Variants in NCOA2 observed in about 807,000 individuals in gnomAD.
NCOA2 encodes nuclear receptor coactivator 2.
In NCOA2, 21 loss-of-function variants were observed where a neutral mutation model predicts 145.1. The ratio of observed to expected loss-of-function variants is 0.14; its 90% CI spans 0.10 to 0.21. The LOEUF is 0.21. Ranked by LOEUF, NCOA2 falls within the 10% of genes least tolerant of loss-of-function variation. NCOA2 has a pLI of 1.00. For synonymous variants in NCOA2, 619 were observed against 637.5 expected (o/e 0.97, Z 0.44); for missense variants, 1,472 against 1,837.6 (o/e 0.80, Z 3.64).
the NCOA2 span, among the ~76,000 whole-genome samples, chr8:70,411,066 T>C: frequency 2.0e-4 from 31 of 152,178 alleles, no homozygotes; most frequent in African/African-American, 7.2e-4. Flanking sequence ...CTTATGCAAA[T>C]TATACCTAAA....
chr8:70,139,924 C>T (rs1810188969), intron 14 of NCOA2, among the ~76,000 whole-genome samples: 2 of 151,888 alleles, frequency 1.3e-5, no homozygotes, highest in South Asian at 4.2e-4. Flanking sequence ...CAGTGCCTGG[C>T]ATCTTTTTGT....
At chr8:70,117,286 C>G (rs1807252146) in intron 22 of NCOA2, among the ~76,000 whole-genome samples, 2 of 152,200 alleles carry the variant, frequency 1.3e-5, no homozygotes, top group Non-Finnish European at 2.9e-5. Flanking sequence ...TAGCTGGTAG[C>G]CCTGCATAAA....
At chr8:70,372,524 G>GA (rs1244468585) in intron 1 of NCOA2, among the ~76,000 whole-genome samples, 2 of 152,260 alleles carry the variant, frequency 1.3e-5, no homozygotes, top group East Asian at 1.9e-4. Flanking sequence ...ATTATTTTAT[G>GA]ATTCAGCCTA....
At chr8:70,415,821 T>C in the NCOA2 span, among the ~76,000 whole-genome samples, 1 of 152,238 alleles carries the variant, frequency 6.6e-6, no homozygotes, top group Non-Finnish European at 1.5e-5. Context: ...ACGGTAGCAT[T>C]GTAACAGAAG....
At chr8:70,395,994 G>A (rs528240401) in intron 1 of NCOA2, among the ~76,000 whole-genome samples, 2 of 152,328 alleles carry the variant, frequency 1.3e-5, no homozygotes, top group South Asian at 4.1e-4. Context: ...AGCTCTCCGC[G>A]CTCCGTGCAA....
intron 16 of NCOA2, among the ~76,000 whole-genome samples, chr8:70,131,120 C>T (rs2131568963): frequency 6.6e-6 from 1 of 152,262 alleles, no homozygotes; most frequent in East Asian, 1.9e-4. Flanking sequence ...GTGGGCTAAA[C>T]CATAAGTGAA....
At chr8:70,329,261 C>T (rs1030541893) in intron 1 of NCOA2, among the ~76,000 whole-genome samples, 4 of 151,996 alleles carry the variant, frequency 2.6e-5, no homozygotes, top group East Asian at 1.9e-4. Context: ...GGACTACAGG[C>T]GTGAGCCACC....
At position 70,113,650 on chromosome 8, in the gene NCOA2, G is replaced by GA. The variant is rs1563465539; in HGVS notation, c.4384-8dup. 1 of 1,551,476 alleles carries GA rather than the reference G, an allele frequency of 6.4e-7. No individual in the cohort carries two copies. Among genetic ancestry groups the GA allele is most frequent in the East Asian group, 2.4e-5 (1 of 40,964 alleles). ...AGCAGTGTCAGCAATATTTCTGTAG[G>GA]AAAACAGATAAAAAGTTGTGAAACA... is the stretch of plus-strand genomic sequence containing the variant. On this transcript the variant is annotated splice_polypyrimidine_tract_variant and splice_region_variant and intron_variant, in intron 22 of 22. Transcript: ENST00000452400.
intron 16 of NCOA2, 63 bp downstream of exon 16, chr8:70,131,774 A>C: frequency 2.7e-6 from 4 of 1,499,164 alleles, no homozygotes; most frequent in South Asian, 1.3e-5. Flanking sequence ...CTGTAAACAG[A>C]AAATGGACAC....
the NCOA2 span, among the ~76,000 whole-genome samples, chr8:70,410,094 T>C: frequency 6.6e-6 from 1 of 151,654 alleles, no homozygotes; most frequent in East Asian, 2.0e-4. Flanking sequence ...CCTCTAATCC[T>C]AACTACTGGG....
chr8:70,349,246 C>T (rs533651285), intron 1 of NCOA2, among the ~76,000 whole-genome samples: 103 of 151,876 alleles, frequency 6.8e-4, no homozygotes, highest in African/African-American at 2.2e-3. Context: ...TGAAAAATGA[C>T]ATCATTACAC....
the NCOA2 span, among the ~76,000 whole-genome samples, chr8:70,446,291 G>A: frequency 3.9e-5 from 6 of 152,154 alleles, no homozygotes; most frequent in Non-Finnish European, 8.8e-5. Flanking sequence ...CGGCTCCAGG[G>A]CTGGGTGCCC....
chr8:70,249,195 T>A (rs1214755189), intron 2 of NCOA2, among the ~76,000 whole-genome samples: 1 of 152,178 alleles, frequency 6.6e-6, no homozygotes, highest in Non-Finnish European at 1.5e-5. Context: ...CTCCTCAGCA[T>A]TAGAGCACTG....
chr8:70,179,453 A>AAT (rs1815232874), intron 4 of NCOA2, among the ~76,000 whole-genome samples: 1 of 152,178 alleles, frequency 6.6e-6, no homozygotes, highest in African/African-American at 2.4e-5. Context: ...GGAAAAAGAA[A>AAT]AGGACTCTTT....
In NCOA2 at chr8:70,166,553, G is replaced by C; in HGVS notation, c.730+13C>G. ...ACACAGACACACAGAACACCCTAGGGATTCTGTCCCACCTTCTCCTTCTTC... is the reference window on the plus strand; with the variant it reads ...ACACAGACACACAGAACACCCTAGGCATTCTGTCCCACCTTCTCCTTCTTC... On this transcript the variant is annotated intron_variant, in intron 7 of 22. Coordinates refer to ENST00000452400, the MANE Select transcript of NCOA2 (RefSeq NM_006540.4). 6.2e-7 allele frequency: 1 copy of C among 1,612,264 alleles called. No individual in the cohort carries two copies. Among genetic ancestry groups the C allele is most frequent in the East Asian group, 2.2e-5 (1 of 44,874 alleles).
At chr8:70,283,897 G>A (rs1371633136) in intron 2 of NCOA2, among the ~76,000 whole-genome samples, 1 of 152,086 alleles carries the variant, frequency 6.6e-6, no homozygotes, top group Admixed American at 6.5e-5. Context: ...TTTCAGATAT[G>A]GGATGCTCAA....
At chr8:70,146,871 A>C (rs957217248) in intron 12 of NCOA2, among the ~76,000 whole-genome samples, 1 of 150,156 alleles carries the variant, frequency 6.7e-6, no homozygotes, top group African/African-American at 2.5e-5. Flanking sequence ...AATTTTTTGT[A>C]GTAGAGATGG....
rs1434124016 is a variant in NCOA2, at chr8:70,156,770, C to G, written c.1595G>C (p.Ser532Thr). The change falls in exon 11 of 23, where the codon AGC becomes ACC. Residue 532 changes from serine to threonine, a missense_variant. Ser to Thr is a moderately conservative substitution (Grantham distance 58, BLOSUM62 1). Around this residue, in one of 4 missense-constraint regions of NCOA2, gnomAD observed 953 missense variants for 1,062.1 expected, o/e 0.90. Coordinates refer to ENST00000452400, the MANE Select transcript of NCOA2 (RefSeq NM_006540.4). ...GAGGGCCTGAAGTGCATTGAGGGAG[C>G]TGTTGGTATAACTATGGCTATTTCC... ...STGNSHSYTN[S>T]SLNALQALSE... 1.2e-6 allele frequency: 2 copies of G among 1,613,970 alleles called. No individual in the cohort carries two copies. The highest frequency in any genetic ancestry group is 1.7e-6 in the Non-Finnish European group (2 of 1,179,882).
At chr8:70,257,339 T>C (rs963973958) in intron 2 of NCOA2, among the ~76,000 whole-genome samples, 2 of 152,224 alleles carry the variant, frequency 1.3e-5, no homozygotes, top group African/African-American at 4.8e-5. Context: ...ATACATTTAT[T>C]CAGGAACCAT....
Sources: gnomAD v4.1 joint callset for allele counts (sites outside exome capture counted in the v4.1 genomes callset) on GRCh38, gnomAD v4.1.1 for gene constraint, gnomAD v4.1.1 regional missense constraint, MANE v1.5 for transcripts, NCBI Gene and HGNC (gene_info 2026-07-23, HGNC 2026-07-21) for gene names.